Variants in SV2C observed in about 807,000 individuals in gnomAD.
SV2C encodes solute carrier family 22 member B3.
SV2C carries 49 observed loss-of-function variants against 79.7 expected under a neutral mutation model. The observed-to-expected ratio is 0.61, with a 90% CI of 0.49 to 0.78. The LOEUF (loss-of-function observed/expected upper bound fraction) is 0.78, where lower values mean the gene tolerates loss of function less well. Ranked by LOEUF, SV2C falls within the 30% of genes least tolerant of loss-of-function variation. The pLI is 0.00. For synonymous variants in SV2C, 334 were observed against 333.2 expected (o/e 1.00, Z -0.03); for missense variants, 833 against 912.9 (o/e 0.91, Z 1.13).
chr5:76,064,445 T>C, the SV2C span, among the ~76,000 whole-genome samples: 1 of 152,222 alleles, frequency 6.6e-6, no homozygotes, highest in Non-Finnish European at 1.5e-5. Context: ...TTAAACTTGT[T>C]ATGTGAATAG....
At chr5:76,218,125 C>T (rs927110799) in intron 4 of SV2C, among the ~76,000 whole-genome samples, 5 of 152,186 alleles carry the variant, frequency 3.3e-5, no homozygotes, top group Admixed American at 3.3e-4. Context: ...TTCCAAGCCA[C>T]CTCTGCCCTC....
At chr5:76,062,694 T>C in the SV2C span, among the ~76,000 whole-genome samples, 4 of 152,042 alleles carry the variant, frequency 2.6e-5, no homozygotes, top group Non-Finnish European at 5.9e-5. Context: ...TCTACCCTGG[T>C]GACTTGGCAA....
At chr5:76,213,522 G>A (rs1331789237) in intron 4 of SV2C, among the ~76,000 whole-genome samples, 2 of 152,044 alleles carry the variant, frequency 1.3e-5, no homozygotes, top group East Asian at 1.9e-4. Context: ...ACTCATGCTT[G>A]GATTTACCCC....
At chr5:76,052,280 G>A in the SV2C span, among the ~76,000 whole-genome samples, 1 of 152,160 alleles carries the variant, frequency 6.6e-6, no homozygotes, top group East Asian at 1.9e-4. Context: ...TGAGATCAGT[G>A]TGCTTCAGAA....
At chr5:76,036,316 G>A in the SV2C span, among the ~76,000 whole-genome samples, 2 of 151,962 alleles carry the variant, frequency 1.3e-5, no homozygotes, top group East Asian at 1.9e-4. Flanking sequence ...TTGCTCGTTA[G>A]TTGATGCAGT....
At chr5:76,339,426 C>T (rs867820560) in intron 12 of SV2C, among the ~76,000 whole-genome samples, 26 of 152,064 alleles carry the variant, frequency 1.7e-4, no homozygotes, top group South Asian at 4.2e-4. Flanking sequence ...TTTAAGATTT[C>T]TCATTTCAAT....
At chr5:76,317,170 G>GTTCT (rs1748654180) in intron 12 of SV2C, among the ~76,000 whole-genome samples, 1 of 152,100 alleles carries the variant, frequency 6.6e-6, no homozygotes, top group African/African-American at 2.4e-5. Flanking sequence ...TGTTACAAAA[G>GTTCT]TTCTTTTAGG....
intron 3 of SV2C, among the ~76,000 whole-genome samples, chr5:76,201,862 C>CA (rs1327839847): frequency 1.3e-5 from 2 of 151,784 alleles, no homozygotes; most frequent in East Asian, 3.9e-4. Context: ...ACTAAAAATA[C>CA]AAAAAATTAG....
chr5:76,001,542 C>T, the SV2C span, among the ~76,000 whole-genome samples: 11 of 151,626 alleles, frequency 7.3e-5, no homozygotes, highest in Admixed American at 2.6e-4. Context: ...GTGGAGCTTG[C>T]AGCGCCACTG....
intron 1 of SV2C, among the ~76,000 whole-genome samples, chr5:76,109,417 T>G (rs1748029758): frequency 6.6e-6 from 1 of 152,226 alleles, no homozygotes; most frequent in Admixed American, 6.5e-5. Flanking sequence ...AAATATGTTA[T>G]AATTCTTCTT....
intron 1 of SV2C, among the ~76,000 whole-genome samples, chr5:76,092,835 G>A (rs933001869): frequency 6.6e-6 from 1 of 151,918 alleles, no homozygotes; most frequent in Non-Finnish European, 1.5e-5. Flanking sequence ...TCCTCAGCTC[G>A]AAGGTCCCTT....
chr5:76,291,255 A>T lies in SV2C; in HGVS notation c.1172A>T (p.Glu391Val). 6.2e-7 allele frequency: 1 copy of T among 1,612,936 alleles called. No homozygotes were observed. Among genetic ancestry groups the T allele is most frequent in the Non-Finnish European group, 8.5e-7 (1 of 1,179,536 alleles). The part of the protein sequence containing the change: ...NKIKTPKQID[E>V]LIEIESDTGT... Reference sequence around the variant, plus strand: ...ATAAAAACTCCTAAACAAATAGATGAGCTGATTGAAATTGAGAGTGACACA... The same window carrying T: ...ATAAAAACTCCTAAACAAATAGATGTGCTGATTGAAATTGAGAGTGACACA... Residue 391 changes from glutamate to valine, a missense_variant, in exon 7 of 13, where the codon GAG (glutamate) becomes GTG (valine). Physicochemically the swap from Glu to Val is moderately radical, Grantham distance 121 (BLOSUM62 -2). Transcript: ENST00000502798.
At chr5:75,894,179 A>G in the SV2C span, among the ~76,000 whole-genome samples, 2 of 151,996 alleles carry the variant, frequency 1.3e-5, no homozygotes, top group African/African-American at 4.8e-5. Flanking sequence ...CTGTGGCAGT[A>G]CTCTAGCCCA....
upstream of SV2C, among the ~76,000 whole-genome samples, chr5:76,081,073 C>T (rs897162759): frequency 1.3e-5 from 2 of 152,184 alleles, no homozygotes; most frequent in African/African-American, 4.8e-5. Flanking sequence ...CAGGCAAAAT[C>T]ACAATCAGGG....
chr5:75,989,275 T>G, the SV2C span, among the ~76,000 whole-genome samples: 3 of 151,940 alleles, frequency 2.0e-5, no homozygotes, highest in South Asian at 6.2e-4. Context: ...CGACATCCAT[T>G]AGCTATTCTT....
the SV2C span, among the ~76,000 whole-genome samples, chr5:75,902,240 C>G: frequency 2.0e-5 from 3 of 152,154 alleles, no homozygotes; most frequent in African/African-American, 7.2e-5. Context: ...GGCTCTCACA[C>G]CTGGATAGTT....
chr5:76,214,495 C>CT (rs1337651969), intron 4 of SV2C, among the ~76,000 whole-genome samples: 1 of 152,270 alleles, frequency 6.6e-6, no homozygotes, highest in East Asian at 1.9e-4. Context: ...CTCAAGGTTA[C>CT]TTTAGCTACT....
the SV2C span, among the ~76,000 whole-genome samples, chr5:75,986,654 A>G: frequency 6.6e-6 from 1 of 152,032 alleles, no homozygotes; most frequent in Non-Finnish European, 1.5e-5. Context: ...TTCTAGGCTT[A>G]GTTTTAGGAC....
rs149636507 is a variant in SV2C at position 76,240,817 on chromosome 5, G to C, written c.913+30930G>C. ...ATTTCACGAGGCTCCAAATGCCTCAGAAAAGTAATGTAAATATAAAATGAC... is the reference window on the plus strand; with the variant it reads ...ATTTCACGAGGCTCCAAATGCCTCACAAAAGTAATGTAAATATAAAATGAC... On this transcript the variant is annotated intron_variant, in intron 4 of 12. Coordinates refer to ENST00000502798, the MANE Select transcript of SV2C (RefSeq NM_014979.4). Among the ~76,000 whole-genome samples, 33 of 152,306 alleles carry C rather than the reference G, an allele frequency of 2.2e-4. 1 individual carries two copies. Among genetic ancestry groups the C allele is most frequent in the African/African-American group, 7.5e-4 (31 of 41,566 alleles).
Sources: gnomAD v4.1 joint callset for allele counts (sites outside exome capture counted in the v4.1 genomes callset) on GRCh38, gnomAD v4.1.1 for gene constraint, MANE v1.5 for transcripts, NCBI Gene and HGNC (gene_info 2026-07-23, HGNC 2026-07-21) for gene names.